GGNBP2: variants seen among roughly 807,000 people sequenced by gnomAD.
The protein encoded by GGNBP2 is gametogenetin-binding protein 2.
A neutral mutation model predicts 85.9 loss-of-function variants in GGNBP2; 10 were observed. That is an observed-to-expected ratio of 0.12 (90% CI 0.07 to 0.20). The LOEUF (loss-of-function observed/expected upper bound fraction) is 0.20. GGNBP2 is among the 10% of genes least tolerant of loss of function. The pLI, the probability that GGNBP2 is intolerant of heterozygous loss-of-function variation, is 1.00. For missense variants in GGNBP2, 595 were observed against 857.8 expected (o/e 0.69, Z 3.83); for synonymous variants, 287 against 285.7 (o/e 1.00, Z -0.05).
rs185849923 is a variant in GGNBP2 at position 36,583,653 on chromosome 17, G to A, written c.1216-1647G>A. On this transcript the variant is annotated intron_variant, in intron 9 of 13. Transcript: ENST00000613102. The stretch of plus-strand genomic sequence containing the variant: ...TTTTTTTGTATTTTTAGTAGAGATG[G>A]GGTTTTGCCTTGTTGCCCAGGCTGG... 1.2e-3 allele frequency among the ~76,000 whole-genome samples: 188 copies of A among 151,964 alleles called. 3 individuals carry two copies. The highest frequency in any genetic ancestry group is 2.5e-4 in the Non-Finnish European group (17 of 67,956).
intron 2 of GGNBP2, among the ~76,000 whole-genome samples, chr17:36,550,009 C>T (rs536776415): frequency 9.5e-4 from 144 of 151,702 alleles, no homozygotes; most frequent in Non-Finnish European, 1.7e-3. Flanking sequence ...GTGATCTTGG[C>T]TCACTGCAAC....
intron 8 of GGNBP2, among the ~76,000 whole-genome samples, chr17:36,580,319 T>G (rs554144269): frequency 6.6e-6 from 1 of 151,240 alleles, no homozygotes; most frequent in South Asian, 2.1e-4. Context: ...ACCATTCTCC[T>G]GGCTCAGCCT....
intron 8 of GGNBP2, among the ~76,000 whole-genome samples, chr17:36,580,452 G>T (rs575661924): frequency 6.6e-6 from 1 of 151,438 alleles, no homozygotes. Flanking sequence ...CTCGTGATCC[G>T]CTGCCTGCCT....
intron 5 of GGNBP2, 69 bp downstream of exon 5, chr17:36,560,940 AGAAAT>A: frequency 2.4e-6 from 2 of 832,512 alleles, no homozygotes; most frequent in Non-Finnish European, 3.8e-6. Context: ...ATTTAGTAAA[AGAAAT>A]AAACCCACTG....
chr17:36,567,987 G>A (rs1001777800), intron 6 of GGNBP2, among the ~76,000 whole-genome samples: 2 of 151,660 alleles, frequency 1.3e-5, no homozygotes, highest in African/African-American at 2.4e-5. Flanking sequence ...GTACAGTGGC[G>A]CGATCTCGGC....
intron 5 of GGNBP2, among the ~76,000 whole-genome samples, chr17:36,566,114 G>A (rs1310680971): frequency 1.3e-5 from 2 of 152,148 alleles, no homozygotes; most frequent in African/African-American, 4.8e-5. Flanking sequence ...AGGTTTTTCC[G>A]TCTCTGGCGT....
chr17:36,553,462 C>CT (rs934921144), intron 2 of GGNBP2, among the ~76,000 whole-genome samples: 30 of 152,226 alleles, frequency 2.0e-4, no homozygotes, highest in African/African-American at 6.7e-4. Context: ...TTAAATTTCT[C>CT]TAATATGGAA....
chr17:36,581,568 G>A (rs1358106349), intron 9 of GGNBP2, 30 bp downstream of exon 9: 1 of 1,515,544 alleles, frequency 6.6e-7, no homozygotes, highest in East Asian at 2.3e-5. Context: ...ACTCTTAAGT[G>A]TGTATGTATT....
intron 6 of GGNBP2, among the ~76,000 whole-genome samples, chr17:36,570,766 ATCCTAGCACTT>A (rs1262336011): frequency 6.6e-6 from 1 of 152,164 alleles, no homozygotes; most frequent in Non-Finnish European, 1.5e-5. Context: ...CATGCCTGTA[ATCCTAGCACTT>A]TGGGAGGCTG....
intron 13 of GGNBP2, chr17:36,587,478 G>C (rs969222355): frequency 3.9e-6 from 2 of 514,592 alleles, no homozygotes; most frequent in Non-Finnish European, 7.0e-6. Context: ...GACATTATAG[G>C]TATTCCTTGA....
At chr17:36,580,043 AAAAC>A (rs1195326904) in intron 8 of GGNBP2, among the ~76,000 whole-genome samples, 1 of 152,046 alleles carries the variant, frequency 6.6e-6, no homozygotes, top group Non-Finnish European at 1.5e-5. Context: ...CAAAACAAAA[AAAAC>A]ACACATAACT....
chr17:36,569,126 G>C (rs569744093), intron 6 of GGNBP2, among the ~76,000 whole-genome samples: 100 of 152,150 alleles, frequency 6.6e-4, no homozygotes, highest in African/African-American at 2.4e-3. Flanking sequence ...AAAGGAAACT[G>C]GTGGGCAGGG....
chr17:36,548,378 G>T (rs576184674), intron 2 of GGNBP2, among the ~76,000 whole-genome samples: 4 of 152,074 alleles, frequency 2.6e-5, no homozygotes, highest in South Asian at 4.1e-4. Context: ...ACTTTGGGAG[G>T]CTGAGGCAGG....
intron 5 of GGNBP2, among the ~76,000 whole-genome samples, chr17:36,561,816 G>C (rs2074419896): frequency 6.6e-6 from 1 of 151,870 alleles, no homozygotes; most frequent in Non-Finnish European, 1.5e-5. Flanking sequence ...GTAGAGACAG[G>C]GTTTCACCGT....
chr17:36,588,162 C>T (rs188768002), intron 13 of GGNBP2, among the ~76,000 whole-genome samples: 228 of 152,286 alleles, frequency 1.5e-3, no homozygotes, highest in African/African-American at 5.4e-3. Context: ...TGACCCAGTG[C>T]GTAGTATAGG....
chr17:36,581,297 A>G (rs1031207247), intron 8 of GGNBP2, 47 bp from the exon 9 acceptor site: 1 of 1,319,846 alleles, frequency 7.6e-7, no homozygotes. Flanking sequence ...AAAAAAAAGA[A>G]AAGAAGTTCT....
At chr17:36,547,339 G>A (rs534227267) in intron 2 of GGNBP2, 1 of 151,976 alleles carries the variant, frequency 6.6e-6, no homozygotes, top group East Asian at 1.9e-4. Flanking sequence ...AAGGTTTATT[G>A]TCCCACAATG....
chr17:36,565,928 A>G (rs2074463820), intron 5 of GGNBP2, among the ~76,000 whole-genome samples: 1 of 152,098 alleles, frequency 6.6e-6, no homozygotes, highest in African/African-American at 2.4e-5. Flanking sequence ...GAATAGAAGG[A>G]TGTAGCATGG....
intron 6 of GGNBP2, among the ~76,000 whole-genome samples, chr17:36,571,990 G>T (rs2074529921): frequency 6.6e-6 from 1 of 151,966 alleles, no homozygotes; most frequent in Non-Finnish European, 1.5e-5. Context: ...GTTGAAGGCT[G>T]CAGTGAGCCA....
Sources: allele counts gnomAD v4.1 joint callset (sites outside exome capture counted in the v4.1 genomes callset), GRCh38; gene constraint gnomAD v4.1.1; transcripts MANE v1.5; gene names NCBI Gene and HGNC (gene_info 2026-07-23, HGNC 2026-07-21).